Variants in PTPRM observed in about 807,000 individuals in gnomAD.
PTPRM encodes the protein protein tyrosine phosphatase receptor type M, also known as receptor-type tyrosine-protein phosphatase mu.
PTPRM carries 47 observed loss-of-function variants against 186.7 expected under a neutral mutation model. That is an observed-to-expected ratio of 0.25 (90% CI 0.20 to 0.32). The LOEUF (loss-of-function observed/expected upper bound fraction) is 0.32. PTPRM is among the 10% of genes least tolerant of loss of function. PTPRM has a pLI of 1.00. For missense variants in PTPRM, 1,494 were observed against 1,865.0 expected, an observed-to-expected ratio of 0.80 and a Z score of 3.66; for synonymous variants, 668 against 674.9, an observed-to-expected ratio of 0.99 and a Z score of 0.16.
chr18:7,591,557 GA>G (rs1169577560), intron 1 of PTPRM, among the ~76,000 whole-genome samples: 1 of 152,204 alleles, frequency 6.6e-6, no homozygotes, highest in Non-Finnish European at 1.5e-5. Context: ...TGCCATTAAA[GA>G]GAGAGAATAT....
intron 14 of PTPRM, among the ~76,000 whole-genome samples, chr18:8,214,707 A>C (rs12965255): frequency 0.27 from 40,866 of 152,054 alleles, 5,563 homozygotes; most frequent in Middle Eastern, 0.51. Flanking sequence ...TCTGTCACCC[A>C]GGCTGGAGTG....
At chr18:7,598,568 G>A (rs1010947955) in intron 1 of PTPRM, among the ~76,000 whole-genome samples, 1 of 152,210 alleles carries the variant, frequency 6.6e-6, no homozygotes, top group Non-Finnish European at 1.5e-5. Context: ...AATAGTGCAA[G>A]TCTGGGTATC....
intron 7 of PTPRM, among the ~76,000 whole-genome samples, chr18:8,043,281 C>T (rs572550447): frequency 1.3e-5 from 2 of 152,106 alleles, no homozygotes; most frequent in East Asian, 1.9e-4. Flanking sequence ...TAGTATGTGC[C>T]GCAGATTCTA....
chr18:8,108,763 T>C (rs976938541), intron 11 of PTPRM, among the ~76,000 whole-genome samples: 1 of 152,212 alleles, frequency 6.6e-6, no homozygotes, highest in Non-Finnish European at 1.5e-5. Flanking sequence ...TTTCCTTCCA[T>C]AGGAAAGTTC....
intron 4 of PTPRM, among the ~76,000 whole-genome samples, chr18:7,908,531 G>A (rs919946974): frequency 2.0e-5 from 3 of 152,134 alleles, no homozygotes; most frequent in African/African-American, 7.2e-5. Context: ...CATGACACAG[G>A]TGTTTTAATT....
At chr18:7,890,613 T>A (rs1187310634) in intron 3 of PTPRM, among the ~76,000 whole-genome samples, 1 of 152,172 alleles carries the variant, frequency 6.6e-6, no homozygotes, top group African/African-American at 2.4e-5. Flanking sequence ...GGCAGTAAGT[T>A]TTAAAATTGT....
chr18:8,318,177 A>G (rs2095322582), intron 21 of PTPRM, among the ~76,000 whole-genome samples: 1 of 152,008 alleles, frequency 6.6e-6, no homozygotes, highest in African/African-American at 2.4e-5. Context: ...CTTGGGGGAC[A>G]GAAATAGAAA....
chr18:8,108,446 C>T (rs1447311296), intron 11 of PTPRM, among the ~76,000 whole-genome samples: 2 of 151,970 alleles, frequency 1.3e-5, no homozygotes, highest in Admixed American at 6.6e-5. Flanking sequence ...AAAAGAAATA[C>T]GATAAATGGA....
At chr18:8,370,190 A>G (rs200804579) in intron 23 of PTPRM, among the ~76,000 whole-genome samples, 5 of 24,890 alleles carry the variant, frequency 2.0e-4, no homozygotes, top group African/African-American at 4.5e-4. Context: ...CATTCTTACC[A>G]AAAAAAAAAA....
intron 14 of PTPRM, among the ~76,000 whole-genome samples, chr18:8,242,937 T>C (rs964682446): frequency 4.6e-5 from 7 of 152,202 alleles, no homozygotes; most frequent in Non-Finnish European, 7.4e-5. Flanking sequence ...CTTTCATAGA[T>C]GCTGTTAAGT....
intron 14 of PTPRM, among the ~76,000 whole-genome samples, chr18:8,210,737 G>A (rs1309959554): frequency 2.0e-5 from 3 of 152,172 alleles, no homozygotes; most frequent in East Asian, 1.9e-4. Context: ...AAAACAACGA[G>A]ACTGTATGAC....
chr18:7,703,820 AACTGTT>A (rs1373650437), intron 1 of PTPRM, among the ~76,000 whole-genome samples: 1 of 152,128 alleles, frequency 6.6e-6, no homozygotes, highest in Non-Finnish European at 1.5e-5. Context: ...TGTCATAAAT[AACTGTT>A]ACTATTTTGA....
At chr18:8,003,566 A>G (rs1380153917) in intron 7 of PTPRM, among the ~76,000 whole-genome samples, 1 of 152,258 alleles carries the variant, frequency 6.6e-6, no homozygotes, top group Non-Finnish European at 1.5e-5. Context: ...TGAGCACCGT[A>G]TCACATCTGC....
At chr18:8,291,540 C>G (rs965692100) in intron 19 of PTPRM, among the ~76,000 whole-genome samples, 2 of 152,080 alleles carry the variant, frequency 1.3e-5, no homozygotes, top group Non-Finnish European at 2.9e-5. Context: ...TAGAATTCTT[C>G]TTAAAGCATT....
chr18:8,015,533 G>A (rs2084805214), intron 7 of PTPRM, among the ~76,000 whole-genome samples: 1 of 152,146 alleles, frequency 6.6e-6, no homozygotes, highest in Non-Finnish European at 1.5e-5. Context: ...TCCCTGAAAG[G>A]CTGATTGACA....
At chr18:8,191,561 AG>A (rs2093710051) in intron 14 of PTPRM, among the ~76,000 whole-genome samples, 1 of 152,162 alleles carries the variant, frequency 6.6e-6, no homozygotes, top group Admixed American at 6.5e-5. Flanking sequence ...GTAACGAAAA[AG>A]GGGGTATGAG....
intron 7 of PTPRM, among the ~76,000 whole-genome samples, chr18:8,044,087 G>T (rs2086864749): frequency 1.3e-5 from 2 of 152,282 alleles, no homozygotes; most frequent in South Asian, 4.1e-4. Flanking sequence ...GAGGGGCTAG[G>T]ATCATCCTAC....
intron 2 of PTPRM, among the ~76,000 whole-genome samples, chr18:7,861,882 G>A (rs1360202801): frequency 6.6e-6 from 1 of 152,116 alleles, no homozygotes; most frequent in African/African-American, 2.4e-5. Flanking sequence ...ACATGGATAT[G>A]TAGGCTGTAT....
intron 26 of PTPRM, 176 bp downstream of exon 26, chr18:8,376,773 TAAAC>T: frequency 3.8e-6 from 3 of 789,110 alleles, no homozygotes; most frequent in South Asian, 2.3e-5. Flanking sequence ...TTTCCTCTCA[TAAAC>T]AAACCAAACA....
Sources: allele counts gnomAD v4.1 joint callset (sites outside exome capture counted in the v4.1 genomes callset), GRCh38; gene constraint gnomAD v4.1.1; transcripts MANE v1.5; gene names NCBI Gene and HGNC (gene_info 2026-07-23, HGNC 2026-07-21).